The following NELL1 variants were observed in gnomAD, a reference collection of about 807,000 sequenced individuals.
NELL1 encodes neural EGFL like 1.
A neutral mutation model predicts 107.4 loss-of-function variants in NELL1; 76 were observed. The observed-to-expected ratio is 0.71, with a 90% confidence interval of 0.59 to 0.86. The LOEUF is 0.86. NELL1 is among the 40% of genes least tolerant of loss of function. NELL1 has a pLI of 0.00. For synonymous variants in NELL1, 353 were observed against 341.2 expected, an observed-to-expected ratio of 1.03 and a Z score of -0.38; for missense variants, 1,024 against 1,005.5, an observed-to-expected ratio of 1.02 and a Z score of -0.25.
chr11:21,562,460 GCA>G (rs965975644), intron 17 of NELL1, among the ~76,000 whole-genome samples: 1 of 151,962 alleles, frequency 6.6e-6, no homozygotes, highest in African/African-American at 2.4e-5. Context: ...CCCATTTATA[GCA>G]CAGTTTCCCA....
At chr11:21,511,909 A>T (rs1007980005) in intron 15 of NELL1, among the ~76,000 whole-genome samples, 2 of 152,194 alleles carry the variant, frequency 1.3e-5, no homozygotes, top group Non-Finnish European at 2.9e-5. Flanking sequence ...ACAATACGGG[A>T]CTAAAATACT....
At chr11:21,380,140 A>G (rs544191158) in intron 15 of NELL1, among the ~76,000 whole-genome samples, 1 of 152,162 alleles carries the variant, frequency 6.6e-6, no homozygotes, top group South Asian at 2.1e-4. Context: ...TGTCTGGCAC[A>G]TGATTACTTG....
chr11:20,786,611 A>G (rs1048219673), intron 3 of NELL1, among the ~76,000 whole-genome samples: 1 of 152,088 alleles, frequency 6.6e-6, no homozygotes, highest in African/African-American at 2.4e-5. Context: ...AGCAAGACCC[A>G]TATGGATTTT....
intron 12 of NELL1, among the ~76,000 whole-genome samples, chr11:21,055,685 C>T (rs916713158): frequency 2.0e-5 from 3 of 151,826 alleles, no homozygotes; most frequent in Admixed American, 6.6e-5. Flanking sequence ...GAGGGAGTAC[C>T]CAGGAGGGAT....
rs1193230806 is a variant in NELL1, at chr11:20,724,889, A to G, written c.184+46829A>G. On this transcript the variant is annotated intron_variant, in intron 2 of 19. Transcript: ENST00000357134. The stretch of plus-strand genomic sequence containing the variant: ...TGGGTAATTTATAAAGAAAGGTTTA[A>G]TTGACTCACAGTTCTGAATGACTGG... 3.3e-5 allele frequency among the ~76,000 whole-genome samples: 5 copies of G among 152,236 alleles called. 1 individual carries two copies. Among genetic ancestry groups the G allele is most frequent in the Admixed American group, 2.6e-4 (4 of 15,292 alleles).
At chr11:21,478,195 G>A (rs1854397647) in intron 15 of NELL1, among the ~76,000 whole-genome samples, 1 of 152,082 alleles carries the variant, frequency 6.6e-6, no homozygotes, top group South Asian at 2.1e-4. Flanking sequence ...CAGATCTCCT[G>A]ATAAATCCCT....
At chr11:21,002,726 A>C (rs1010172966) in intron 12 of NELL1, among the ~76,000 whole-genome samples, 4 of 152,040 alleles carry the variant, frequency 2.6e-5, no homozygotes, top group African/African-American at 9.7e-5. Flanking sequence ...CCAGTGGAAA[A>C]ATTTCCTCTT....
At chr11:21,208,029 TTTTG>T (rs1220824004) in intron 13 of NELL1, among the ~76,000 whole-genome samples, 1 of 152,162 alleles carries the variant, frequency 6.6e-6, no homozygotes, top group Non-Finnish European at 1.5e-5. Flanking sequence ...CTTTTTTTTG[TTTTG>T]TTTTTGTGGC....
At position 20,677,926 on chromosome 11, in the gene NELL1, T is replaced by C; in HGVS notation, c.56-6T>C. 6.2e-7 allele frequency: 1 copy of C among 1,613,988 alleles called. No individual in the cohort carries two copies. Among genetic ancestry groups the C allele is most frequent in the Non-Finnish European group, 8.5e-7 (1 of 1,179,880 alleles). ...TAAGCCCAAACAACTCTTTGTTCCTTTCCAGTGGTGGGCTTTGGGATGGAC... is the reference window on the plus strand; with the variant it reads ...TAAGCCCAAACAACTCTTTGTTCCTCTCCAGTGGTGGGCTTTGGGATGGAC... On this transcript the variant is annotated splice_region_variant and splice_polypyrimidine_tract_variant and intron_variant, in intron 1 of 19. Transcript: ENST00000357134.
At chr11:21,541,252 T>G (rs1341618015) in intron 16 of NELL1, among the ~76,000 whole-genome samples, 1 of 152,142 alleles carries the variant, frequency 6.6e-6, no homozygotes, top group Non-Finnish European at 1.5e-5. Context: ...CATTGTTATC[T>G]GCTTTATAGC....
chr11:20,918,119 C>A, intron 5 of NELL1, 63 bp from the exon 6 acceptor site: 2 of 877,700 alleles, frequency 2.3e-6, no homozygotes, highest in African/African-American at 1.7e-5. Context: ...TATGTGATTG[C>A]ATAGGGGACA....
intron 15 of NELL1, among the ~76,000 whole-genome samples, chr11:21,489,404 A>AAAAAAAAAAAAAAAAAAC (rs1554922049): frequency 1.5e-5 from 2 of 137,268 alleles, no homozygotes; most frequent in African/African-American, 6.0e-5. Context: ...AAAAAAAAAA[A>AAAAAAAAAAAAAAAAAAC]AAAACAGAAG....
intron 15 of NELL1, among the ~76,000 whole-genome samples, chr11:21,530,235 G>T (rs1486543852): frequency 6.6e-6 from 1 of 152,110 alleles, no homozygotes; most frequent in South Asian, 2.1e-4. Context: ...CTACTTCAGT[G>T]CAAGCTTTAA....
At chr11:21,391,306 G>A (rs1040690067) in intron 15 of NELL1, among the ~76,000 whole-genome samples, 1 of 151,640 alleles carries the variant, frequency 6.6e-6, no homozygotes, top group African/African-American at 2.4e-5. Flanking sequence ...TCATCCTCAG[G>A]AAATTTGATG....
intron 13 of NELL1, among the ~76,000 whole-genome samples, chr11:21,201,814 T>A (rs1460218855): frequency 1.3e-5 from 2 of 152,206 alleles, no homozygotes; most frequent in Non-Finnish European, 2.9e-5. Flanking sequence ...AATACCTAGT[T>A]TATTGAGAGT....
At chr11:21,222,658 A>G (rs759840641) in intron 13 of NELL1, among the ~76,000 whole-genome samples, 2 of 152,014 alleles carry the variant, frequency 1.3e-5, no homozygotes, top group African/African-American at 2.4e-5. Flanking sequence ...TTTTTATGTC[A>G]GCTTTTATTG....
chr11:20,822,201 A>G (rs113115337), intron 3 of NELL1, among the ~76,000 whole-genome samples: 60 of 152,318 alleles, frequency 3.9e-4, no homozygotes, highest in African/African-American at 1.3e-3. Flanking sequence ...AACCAGGCAG[A>G]CAGACTCCAG....
At position 21,177,173 on chromosome 11, in the gene NELL1, G is replaced by A. The variant is rs567821161; in HGVS notation, c.1427-52159G>A. Reference sequence around the variant, plus strand: ...ATACACATTATTATGAACTATAGTCGCCATGCTATGCAATAGATGACCAGA... The same window carrying A: ...ATACACATTATTATGAACTATAGTCACCATGCTATGCAATAGATGACCAGA... On this transcript the variant is annotated intron_variant, in intron 13 of 19. Transcript: ENST00000357134. Among the ~76,000 whole-genome samples the A allele has an allele frequency of 5.7e-4, 86 of 151,694 alleles. 1 individual carries two copies. The highest frequency in any genetic ancestry group is 1.3e-3 in the Admixed American group (20 of 15,246).
At chr11:21,441,869 T>C (rs980846181) in intron 15 of NELL1, among the ~76,000 whole-genome samples, 9 of 152,196 alleles carry the variant, frequency 5.9e-5, no homozygotes, top group African/African-American at 2.2e-4. Context: ...AAAAATTTGA[T>C]TAACAAGAGC....
Sources: gnomAD v4.1 joint callset for allele counts (sites outside exome capture counted in the v4.1 genomes callset) on GRCh38, gnomAD v4.1.1 for gene constraint, MANE v1.5 for transcripts, NCBI Gene and HGNC (gene_info 2026-07-23, HGNC 2026-07-21) for gene names.